Variants in FHAD1 observed in about 807,000 individuals in gnomAD.
FHAD1 encodes forkhead associated phosphopeptide binding domain 1, also known as forkhead-associated domain-containing protein 1.
In FHAD1, 146 loss-of-function variants were observed where a neutral mutation model predicts 191.3. That is an observed-to-expected ratio of 0.76 (90% CI 0.67 to 0.88). The LOEUF is 0.88. Among genes scored for constraint, FHAD1 ranks in the 40% least tolerant of loss-of-function variants. The pLI, the probability that FHAD1 is intolerant of heterozygous loss-of-function variation, is 0.00. For missense variants in FHAD1, 1,635 were observed against 1,785.8 expected, an observed-to-expected ratio of 0.92 and a Z score of 1.52; for synonymous variants, 616 against 672.3, an observed-to-expected ratio of 0.92 and a Z score of 1.29.
At chr1:15,288,875 C>G (rs866421313) in intron 3 of FHAD1, among the ~76,000 whole-genome samples, 2 of 152,218 alleles carry the variant, frequency 1.3e-5, no homozygotes, top group African/African-American at 4.8e-5. Context: ...GTAAAGCATG[C>G]ACTCACTCAA....
At chr1:15,277,988 T>TAAC (rs1048399041) in intron 3 of FHAD1, among the ~76,000 whole-genome samples, 1 of 152,220 alleles carries the variant, frequency 6.6e-6, no homozygotes, top group Non-Finnish European at 1.5e-5. Context: ...GCACAAAACG[T>TAAC]AACACATTTT....
rs1703686849 is a variant in FHAD1, at chr1:15,390,443, T to C, written c.4270-767T>C. On this transcript the variant is annotated intron_variant, in intron 32 of 33. Coordinates refer to ENST00000688493, the MANE Select transcript of FHAD1 (RefSeq NM_001391957.1). ...TCTGCTGGTGACACTAGGCCCACAG[T>C]CCCACACGCCACCAGCTTCCAGCCC... 2.0e-5 allele frequency among the ~76,000 whole-genome samples: 3 copies of C among 150,418 alleles called. No homozygotes were observed. The South Asian group carries it at 6.4e-4, about 32-fold the overall frequency.
intron 5 of FHAD1, among the ~76,000 whole-genome samples, chr1:15,298,253 T>G (rs1234110914): frequency 6.6e-6 from 1 of 152,222 alleles, no homozygotes; most frequent in Non-Finnish European, 1.5e-5. Flanking sequence ...CTGGAAACTA[T>G]TATCCTAAGT....
intron 8 of FHAD1, among the ~76,000 whole-genome samples, chr1:15,314,276 C>G (rs1673254861): frequency 6.6e-6 from 1 of 152,078 alleles, no homozygotes; most frequent in African/African-American, 2.4e-5. Context: ...CAGGGTGGAT[C>G]TGGGGGTCCA....
At chr1:15,356,136 G>T (rs560826114) in intron 20 of FHAD1, among the ~76,000 whole-genome samples, 9 of 152,142 alleles carry the variant, frequency 5.9e-5, no homozygotes, top group Non-Finnish European at 1.3e-4. Context: ...CACTGCTTCG[G>T]ATGCTATTTT....
At chr1:15,237,304 C>T (rs569487249) in intron 1 of FHAD1, among the ~76,000 whole-genome samples, 1 of 152,314 alleles carries the variant, frequency 6.6e-6, no homozygotes, top group Admixed American at 6.5e-5. Flanking sequence ...GCAGTCTCAG[C>T]ACCTGGCCCT....
upstream of FHAD1, among the ~76,000 whole-genome samples, chr1:15,246,015 T>A (rs1645986276): frequency 6.6e-6 from 1 of 152,150 alleles, no homozygotes; most frequent in African/African-American, 2.4e-5. Context: ...ACTGAATAAT[T>A]TACAAAGAAA....
intron 3 of FHAD1, among the ~76,000 whole-genome samples, chr1:15,283,494 G>T (rs1199955612): frequency 1.3e-5 from 2 of 152,268 alleles, no homozygotes; most frequent in Admixed American, 6.5e-5. Flanking sequence ...ATAATTAGGA[G>T]GCTAAGTTTT....
In FHAD1 at chr1:15,345,481, A is replaced by G; in HGVS notation, c.2304A>G (p.Thr768=). 5 of 1,552,282 alleles carry G rather than the reference A, an allele frequency of 3.2e-6. No individual in the cohort carries two copies. Among genetic ancestry groups the G allele is most frequent in the Non-Finnish European group, 4.4e-6 (5 of 1,147,128 alleles). Reference sequence around the variant, plus strand: ...AGGAAGCATTAGAGGAAGAGCAGACAAGAGTCCAAGAGCTGGAGGAACGCT... The same window carrying G: ...AGGAAGCATTAGAGGAAGAGCAGACGAGAGTCCAAGAGCTGGAGGAACGCT... ...RVKEALEEEQ[T]RVQELEERLA... is the part of the protein sequence containing the mutation. The change falls in exon 18 of 34, where the codon ACA becomes ACG. Residue 768 remains threonine (T), a synonymous_variant. Transcript: ENST00000688493.
downstream of FHAD1, among the ~76,000 whole-genome samples, chr1:15,402,574 T>C (rs77352462): frequency 2.0e-3 from 310 of 152,332 alleles, 3 homozygotes; most frequent in African/African-American, 7.1e-3. Flanking sequence ...TGAAATATAA[T>C]AGCTAATAAT....
At chr1:15,307,377 G>A (rs374885398) in intron 6 of FHAD1, among the ~76,000 whole-genome samples, 313 of 152,334 alleles carry the variant, frequency 2.1e-3, no homozygotes, top group African/African-American at 7.1e-3. Context: ...ATGCTGAAAT[G>A]AGTTAAGACT....
In FHAD1 at chr1:15,323,561, C is replaced by A. The variant is rs188705400; in HGVS notation, c.1366-891C>A. Among the ~76,000 whole-genome samples the A allele has an allele frequency of 2.3e-3, 354 of 152,266 alleles. 1 individual carries two copies. The highest frequency in any genetic ancestry group is 3.5e-3 in the Non-Finnish European group (239 of 68,004). ...GAAATCTGTGTGACCCCTCTCTAGCCCCCTAATAAACCACTTGTGAGGCTG... is the reference window on the plus strand; with the variant it reads ...GAAATCTGTGTGACCCCTCTCTAGCACCCTAATAAACCACTTGTGAGGCTG... On this transcript the variant is annotated intron_variant, in intron 10 of 33. Coordinates refer to ENST00000688493, the MANE Select transcript of FHAD1 (RefSeq NM_001391957.1).
rs1663631994 is a variant in FHAD1 at position 15,289,319 on chromosome 1, G to A, written c.301-80G>A. 3 of 1,490,964 alleles carry A rather than the reference G, an allele frequency of 2.0e-6. No individual in the cohort carries two copies. Among genetic ancestry groups the A allele is most frequent in the Non-Finnish European group, 2.7e-6 (3 of 1,112,958 alleles). The allele number at this position is 1,490,964 out of a possible 1,614,324, so 92.4% of individuals were successfully genotyped here. A position where few individuals can be genotyped will look rare whatever the true frequency, so the allele number is the denominator to read the frequency against. On this transcript the variant is annotated intron_variant, in intron 3 of 33. Transcript: ENST00000688493. This position sits in a 1 kb window ranked among gnomAD's most constrained non-coding sequence, Gnocchi z 4.2. ...GACTCATAAACCAAGACCTTGGGCAGCAATGCTGTGGCTGGGACAAAGAAA... is the reference window on the plus strand; with the variant it reads ...GACTCATAAACCAAGACCTTGGGCAACAATGCTGTGGCTGGGACAAAGAAA...
intron 31 of FHAD1, among the ~76,000 whole-genome samples, chr1:15,387,753 C>G (rs991193606): frequency 6.6e-6 from 1 of 152,168 alleles, no homozygotes; most frequent in Non-Finnish European, 1.5e-5. Context: ...GGTGTGGTGG[C>G]ACACGCCCGT....
chr1:15,293,586 C>A (rs527546642), intron 4 of FHAD1, among the ~76,000 whole-genome samples: 1 of 151,950 alleles, frequency 6.6e-6, no homozygotes, highest in Non-Finnish European at 1.5e-5. Context: ...GGTGTGGTGG[C>A]ACGCACCTGT....
In FHAD1 at chr1:15,397,060, G is replaced by A. The variant is rs112157116; in HGVS notation, c.4324-237G>A. Reference sequence around the variant, plus strand: ...AAAAAAATTAGCTGGGCGTGGTGGCGGGCGCCTGTAGTCCCAGCTACTCGG... The same window carrying A: ...AAAAAAATTAGCTGGGCGTGGTGGCAGGCGCCTGTAGTCCCAGCTACTCGG... On this transcript the variant is annotated intron_variant, in intron 33 of 33. Coordinates refer to ENST00000688493, the MANE Select transcript of FHAD1 (RefSeq NM_001391957.1). 4.3e-3 allele frequency among the ~76,000 whole-genome samples: 634 copies of A among 148,150 alleles called. 3 individuals carry two copies. The highest frequency in any genetic ancestry group is 0.014 in the African/African-American group (582 of 40,476).
chr1:15,386,642 C>T (rs1229834887), intron 31 of FHAD1, among the ~76,000 whole-genome samples: 1 of 152,240 alleles, frequency 6.6e-6, no homozygotes, highest in Non-Finnish European at 1.5e-5. Flanking sequence ...AGGGGCTTGG[C>T]CACAGCTTTG....
chr1:15,289,220 G>A lies in FHAD1; in HGVS notation c.301-179G>A, dbSNP rs1241114391. ...GCTGGTCTTGAACTCCTGAACTCAA[G>A]CTAGCTAGCCTCCCACTTTGGCCTC... On this transcript the variant is annotated intron_variant, in intron 3 of 33. Transcript: ENST00000688493. The surrounding 1 kb of genome is among the most constrained non-coding windows in gnomAD (Gnocchi z 4.2). Among the ~76,000 whole-genome samples, 1 of 152,210 alleles carries A rather than the reference G, an allele frequency of 6.6e-6. No homozygotes were observed. Among genetic ancestry groups the A allele is most frequent in the East Asian group, 1.9e-4 (1 of 5,194 alleles).
chr1:15,279,463 G>GC (rs34676838), intron 3 of FHAD1, among the ~76,000 whole-genome samples: 3 of 149,420 alleles, frequency 2.0e-5, no homozygotes, highest in Admixed American at 6.7e-5. Context: ...CGGCTTTGGA[G>GC]CCCCCCCTCC....
Sources: allele counts gnomAD v4.1 joint callset (sites outside exome capture counted in the v4.1 genomes callset), GRCh38; gene constraint gnomAD v4.1.1; non-coding constraint Gnocchi (gnomAD v3.1); transcripts MANE v1.5; gene names NCBI Gene and HGNC (gene_info 2026-07-23, HGNC 2026-07-21).